Variants in CAST observed in about 807,000 individuals in gnomAD.
The protein encoded by CAST is MIR583 host.
Under a neutral mutation model 119.6 loss-of-function variants are expected in CAST, and 76 were observed. The observed-to-expected ratio is 0.64, with a 90% CI of 0.53 to 0.77. CAST has a LOEUF of 0.77. Among genes scored for constraint, CAST ranks in the 30% least tolerant of loss-of-function variants. The pLI is 0.00. For missense variants in CAST, 953 were observed against 946.5 expected (o/e 1.01, Z -0.09); for synonymous variants, 319 against 331.6 (o/e 0.96, Z 0.41).
At chr5:96,497,539 T>G in the CAST span, among the ~76,000 whole-genome samples, 3,493 of 152,002 alleles carry the variant, frequency 0.023, 141 homozygotes, top group African/African-American at 0.079. Context: ...CCTGACTTTT[T>G]AATGATTGCC....
chr5:96,545,807 C>A (rs1746001167), intron 1 of CAST, among the ~76,000 whole-genome samples: 1 of 152,204 alleles, frequency 6.6e-6, no homozygotes. Context: ...TTTTTCTTCA[C>A]TTGATTGTTA....
At chr5:96,186,192 A>G in the CAST span, among the ~76,000 whole-genome samples, 1 of 152,154 alleles carries the variant, frequency 6.6e-6, no homozygotes, top group African/African-American at 2.4e-5. Context: ...ATTTTTGCAC[A>G]TTGATTTTAT....
At chr5:96,252,397 G>C in the CAST span, among the ~76,000 whole-genome samples, 1 of 152,038 alleles carries the variant, frequency 6.6e-6, no homozygotes, top group Non-Finnish European at 1.5e-5. Flanking sequence ...TAAATTCTGA[G>C]TGTGCAAAAA....
chr5:96,017,537 G>T, the CAST span, among the ~76,000 whole-genome samples: 1 of 151,994 alleles, frequency 6.6e-6, no homozygotes, highest in Non-Finnish European at 1.5e-5. Flanking sequence ...TTCAAATATT[G>T]TGGTCACATG....
intron 9 of CAST, among the ~76,000 whole-genome samples, chr5:96,732,728 C>T (rs1760809315): frequency 1.3e-5 from 2 of 151,894 alleles, no homozygotes; most frequent in South Asian, 4.1e-4. Context: ...AACTGGCTAG[C>T]CATATGTAGA....
the CAST span, among the ~76,000 whole-genome samples, chr5:96,181,249 G>C: frequency 1.3e-5 from 2 of 152,106 alleles, no homozygotes; most frequent in Admixed American, 1.3e-4. Context: ...ATTCAATTTT[G>C]TTAGAAAAGT....
At chr5:96,254,326 C>T in the CAST span, among the ~76,000 whole-genome samples, 1 of 151,990 alleles carries the variant, frequency 6.6e-6, no homozygotes, top group Non-Finnish European at 1.5e-5. Context: ...TATGTTATTA[C>T]TTATTTCAGA....
the CAST span, among the ~76,000 whole-genome samples, chr5:96,049,918 GAAAAAGAA>G: frequency 7.3e-5 from 5 of 68,880 alleles, no homozygotes; most frequent in East Asian, 1.8e-3. Context: ...AAAAAAAAAA[GAAAAAGAA>G]AAAAAGGAGA....
chr5:96,560,659 C>A (rs2150184518), intron 1 of CAST, among the ~76,000 whole-genome samples: 1 of 152,292 alleles, frequency 6.6e-6, no homozygotes, highest in South Asian at 2.1e-4. Context: ...GAGATACCAT[C>A]TCACACCAGT....
chr5:96,744,530 A>G (rs753696699), intron 16 of CAST, among the ~76,000 whole-genome samples: 28 of 152,228 alleles, frequency 1.8e-4, no homozygotes, highest in Non-Finnish European at 3.2e-4. Flanking sequence ...ACACGTGGGA[A>G]TTATGGGAGC....
At chr5:96,492,088 G>A in the CAST span, among the ~76,000 whole-genome samples, 21 of 152,166 alleles carry the variant, frequency 1.4e-4, no homozygotes, top group South Asian at 4.1e-4. Flanking sequence ...AGTTAATAAA[G>A]GATCCTTGAG....
chr5:96,654,981 C>T (rs564288813), intron 1 of CAST, among the ~76,000 whole-genome samples: 8 of 152,122 alleles, frequency 5.3e-5, no homozygotes, highest in Non-Finnish European at 1.0e-4. Context: ...ATAGAATTAC[C>T]CAAATGCTCA....
the CAST span, chr5:95,970,299 G>A: frequency 6.6e-6 from 1 of 152,166 alleles, no homozygotes; most frequent in Non-Finnish European, 1.5e-5. Context: ...ACTTTGATCT[G>A]GAAAGTAAAG....
At chr5:96,114,432 G>A in the CAST span, among the ~76,000 whole-genome samples, 2 of 152,210 alleles carry the variant, frequency 1.3e-5, no homozygotes, top group Non-Finnish European at 1.5e-5. Flanking sequence ...AGAGTTCTGA[G>A]TAAATCTGCC....
chr5:96,759,713 C>CA (rs1767282880), intron 24 of CAST, among the ~76,000 whole-genome samples: 1 of 151,608 alleles, frequency 6.6e-6, no homozygotes, highest in South Asian at 2.1e-4. Flanking sequence ...AAAAACCTTA[C>CA]AAAAAATACA....
At chr5:96,016,963 A>G in the CAST span, among the ~76,000 whole-genome samples, 1 of 150,802 alleles carries the variant, frequency 6.6e-6, no homozygotes, top group East Asian at 2.0e-4. Flanking sequence ...CAGCCTCCCA[A>G]CTAGCTGGGA....
At chr5:96,646,374 G>A (rs1748014365) in intron 1 of CAST, among the ~76,000 whole-genome samples, 1 of 152,184 alleles carries the variant, frequency 6.6e-6, no homozygotes, top group African/African-American at 2.4e-5. Context: ...CAGCTAAGTG[G>A]CTACCACCAG....
the CAST span, among the ~76,000 whole-genome samples, chr5:96,054,510 C>T: frequency 5.9e-5 from 9 of 152,028 alleles, no homozygotes; most frequent in African/African-American, 1.9e-4. Flanking sequence ...TTGCAAAAAC[C>T]ACGCACTGGG....
chr5:96,619,489 C>T (rs568130966), intron 1 of CAST, among the ~76,000 whole-genome samples: 23 of 152,242 alleles, frequency 1.5e-4, no homozygotes, highest in Non-Finnish European at 3.1e-4. Context: ...TAAAAGCAGG[C>T]TGCCCGAACT....
Sources: gnomAD v4.1 joint callset for allele counts (sites outside exome capture counted in the v4.1 genomes callset) on GRCh38, gnomAD v4.1.1 for gene constraint, MANE v1.5 for transcripts, NCBI Gene and HGNC (gene_info 2026-07-23, HGNC 2026-07-21) for gene names.